FOXP1: variants seen among roughly 807,000 people sequenced by gnomAD.
FOXP1 encodes the protein forkhead box P1.
FOXP1 carries 15 observed loss-of-function variants against 98.2 expected under a neutral mutation model. That is an observed-to-expected ratio of 0.15 (90% CI 0.10 to 0.24). The LOEUF (loss-of-function observed/expected upper bound fraction) is 0.24, where lower values mean the gene tolerates loss of function less well. FOXP1 is among the 10% of genes least tolerant of loss of function. The pLI is 1.00. For synonymous variants in FOXP1, 371 were observed against 314.5 expected (o/e 1.18, Z -1.90); for missense variants, 633 against 848.5 (o/e 0.75, Z 3.15).
At chr3:71,474,889 G>T (rs2089685585) in intron 3 of FOXP1, among the ~76,000 whole-genome samples, 1 of 152,070 alleles carries the variant, frequency 6.6e-6, no homozygotes, top group African/African-American at 2.4e-5. Flanking sequence ...CTGGTCCATG[G>T]AAAAACCGTC....
chr3:71,085,982 C>T (rs2055053088), intron 7 of FOXP1, among the ~76,000 whole-genome samples: 1 of 151,836 alleles, frequency 6.6e-6, no homozygotes, highest in Non-Finnish European at 1.5e-5. Context: ...CCCGCCTTGG[C>T]CTCCCAAAGT....
rs1031772456 is a variant in FOXP1 at position 71,470,256 on chromosome 3, T to A, written c.-168+23170A>T. Among the ~76,000 whole-genome samples the A allele has an allele frequency of 2.6e-5, 4 of 152,278 alleles. No individual in the cohort carries two copies. In the South Asian group the frequency reaches 8.3e-4, roughly 32 times the overall value. ...CTTCCTGAGCCTGTTTCTTCATCTG[T>A]AAAACAGGAATAATAACAGTATCTA... On this transcript the variant is annotated intron_variant, in intron 3 of 20. Coordinates refer to ENST00000649528, the MANE Select transcript of FOXP1 (RefSeq NM_001349338.3).
At chr3:71,067,951 C>T (rs1228989831) in intron 7 of FOXP1, among the ~76,000 whole-genome samples, 1 of 145,856 alleles carries the variant, frequency 6.9e-6, no homozygotes. Context: ...AAAATATATA[C>T]TACAGGCTTC....
intron 3 of FOXP1, among the ~76,000 whole-genome samples, chr3:71,466,878 CTG>C (rs1560525734): frequency 3.9e-5 from 6 of 152,198 alleles, no homozygotes; most frequent in Admixed American, 6.5e-5. Flanking sequence ...ATGATGACAT[CTG>C]TGTTTCTCAA....
At chr3:71,506,448 C>T (rs1002311960) in intron 2 of FOXP1, among the ~76,000 whole-genome samples, 2 of 152,200 alleles carry the variant, frequency 1.3e-5, no homozygotes, top group African/African-American at 2.4e-5. Flanking sequence ...CCTACACTGG[C>T]TCCCCCTCCT....
chr3:71,193,389 C>T (rs2063114720), intron 6 of FOXP1, among the ~76,000 whole-genome samples: 1 of 126,298 alleles, frequency 7.9e-6, no homozygotes, highest in South Asian at 2.4e-4. Context: ...ACCTCGTGAT[C>T]TGCCCTCCTC....
chr3:71,249,017 G>T (rs1235255088), intron 5 of FOXP1, among the ~76,000 whole-genome samples: 1 of 152,200 alleles, frequency 6.6e-6, no homozygotes, highest in Non-Finnish European at 1.5e-5. Context: ...AGCACTTTCT[G>T]AATCCTTTTG....
intron 9 of FOXP1, among the ~76,000 whole-genome samples, chr3:71,049,033 T>G (rs1333214769): frequency 6.6e-6 from 1 of 152,172 alleles, no homozygotes; most frequent in Non-Finnish European, 1.5e-5. Flanking sequence ...GTTGCCAAAC[T>G]GCGCTCCCCA....
intron 2 of FOXP1, among the ~76,000 whole-genome samples, chr3:71,559,266 T>C (rs959883178): frequency 6.6e-6 from 1 of 152,242 alleles, no homozygotes; most frequent in African/African-American, 2.4e-5. Flanking sequence ...ACTAAGGCAT[T>C]CGCTTACTAT....
chr3:71,272,337 G>A (rs1470115717), intron 5 of FOXP1, among the ~76,000 whole-genome samples: 1 of 152,156 alleles, frequency 6.6e-6, no homozygotes, highest in Non-Finnish European at 1.5e-5. Flanking sequence ...GGCATCCCGG[G>A]TGGGTCAACT....
chr3:71,029,638 G>A (rs755214927), intron 11 of FOXP1, among the ~76,000 whole-genome samples: 1 of 152,034 alleles, frequency 6.6e-6, no homozygotes, highest in Non-Finnish European at 1.5e-5. Flanking sequence ...TGATCCACCC[G>A]CCTCGGCCTC....
chr3:71,052,926 AGTCTG>A (rs1363401149), intron 8 of FOXP1, among the ~76,000 whole-genome samples: 1 of 152,186 alleles, frequency 6.6e-6, no homozygotes, highest in African/African-American at 2.4e-5. Context: ...TTGCTGAGAG[AGTCTG>A]GTGAATCTCT....
At position 71,198,351 on chromosome 3, in the gene FOXP1, T is replaced by G; in HGVS notation, c.31A>C (p.Ser11Arg). ...CCATTCTGGATGGCTGAACCGTTAC[T>G]TTTTGTCTCAGTCCCAGATTCTTGC... MMQESGTETKSNGSAIQNGSG... is the reference protein window; with the variant it reads MMQESGTETKRNGSAIQNGSG... The change falls in exon 6 of 21, where the codon AGT (serine) becomes CGT (arginine). Residue 11 changes from serine to arginine, a missense_variant. Around this residue, in one of 6 missense-constraint regions of FOXP1, gnomAD observed 103 missense variants for 85.5 expected, o/e 1.20. Transcript: ENST00000649528. 6.2e-7 allele frequency: 1 copy of G among 1,613,408 alleles called. No homozygotes were observed. Among genetic ancestry groups the G allele is most frequent in the Non-Finnish European group, 8.5e-7 (1 of 1,179,858 alleles).
chr3:71,576,333 TA>T lies in FOXP1; in HGVS notation c.-298+5215del, dbSNP rs375219377. On this transcript the variant is annotated intron_variant, in intron 2 of 20. Coordinates refer to ENST00000649528, the MANE Select transcript of FOXP1 (RefSeq NM_001349338.3). ...CTGTGTATGTATTCATATTCCTTTT[TA>T]AAAAAAAAACTATTTTATTAAAAAT... is the stretch of plus-strand genomic sequence containing the variant. Among the ~76,000 whole-genome samples the T allele has an allele frequency of 8.1e-3, 1,219 of 149,782 alleles. 13 individuals are homozygous for T. Among genetic ancestry groups the T allele is most frequent in the African/African-American group, 0.027 (1,096 of 40,922 alleles).
intron 3 of FOXP1, among the ~76,000 whole-genome samples, chr3:71,454,249 T>C (rs1211645535): frequency 1.3e-5 from 2 of 152,110 alleles, no homozygotes; most frequent in African/African-American, 4.8e-5. Flanking sequence ...AGAACTATAC[T>C]CCTACAGCGT....
At chr3:71,431,503 T>C (rs2084713272) in intron 3 of FOXP1, among the ~76,000 whole-genome samples, 1 of 152,088 alleles carries the variant, frequency 6.6e-6, no homozygotes, top group African/African-American at 2.4e-5. Context: ...TTTGCCCAAT[T>C]TACAGATAGA....
At chr3:71,420,991 GTT>G (rs145402940) in intron 3 of FOXP1, among the ~76,000 whole-genome samples, 252 of 152,168 alleles carry the variant, frequency 1.7e-3, no homozygotes, top group African/African-American at 5.9e-3. Context: ...CGGACTACAA[GTT>G]TTTTTACATT....
chr3:71,198,175 A>G (rs773191048), intron 6 of FOXP1, 27 bp downstream of exon 6: 1 of 1,613,642 alleles, frequency 6.2e-7, no homozygotes, highest in South Asian at 1.1e-5. Flanking sequence ...CACCACCTCC[A>G]CCTCCCAAGA....
chr3:71,384,867 T>C (rs554586957), intron 3 of FOXP1, among the ~76,000 whole-genome samples: 2 of 152,308 alleles, frequency 1.3e-5, no homozygotes, highest in South Asian at 2.1e-4. Context: ...AAGGCAATTT[T>C]TGTCAGGGTG....
Sources: gnomAD v4.1 joint callset for allele counts (sites outside exome capture counted in the v4.1 genomes callset) on GRCh38, gnomAD v4.1.1 for gene constraint, gnomAD v4.1.1 regional missense constraint, MANE v1.5 for transcripts, NCBI Gene and HGNC (gene_info 2026-07-23, HGNC 2026-07-21) for gene names.